Variants in DRC4 observed in about 807,000 individuals in gnomAD.
DRC4 encodes GAS-11.
At chr16:90,041,265 C>T in the DRC4 span, among the ~76,000 whole-genome samples, 1 of 152,236 alleles carries the variant, frequency 6.6e-6, no homozygotes, top group Non-Finnish European at 1.5e-5. Context: ...GTCATTGTTA[C>T]CTCGACTTCT....
At chr16:90,042,956 T>G in the DRC4 span, 2 of 543,636 alleles carry the variant, frequency 3.7e-6, no homozygotes, top group Middle Eastern at 9.6e-4. Context: ...GTCCCTGCCC[T>G]CTGCCTCCGT....
the DRC4 span, chr16:90,036,326 C>T: frequency 6.8e-7 from 1 of 1,478,440 alleles, no homozygotes; most frequent in Non-Finnish European, 9.3e-7. Context: ...TGTTCTGTAG[C>T]CGTAGGGGCA....
the DRC4 span, among the ~76,000 whole-genome samples, chr16:90,034,325 G>A: frequency 6.6e-6 from 1 of 152,106 alleles, no homozygotes; most frequent in Admixed American, 6.6e-5. Context: ...TTCCTGTTGG[G>A]TAAAAATATG....
the DRC4 span, chr16:90,022,574 C>CGGGA: frequency 6.5e-6 from 6 of 923,522 alleles, no homozygotes; most frequent in African/African-American, 8.7e-5. Context: ...GACGCACTCC[C>CGGGA]GCCTTTGGCA....
the DRC4 span, among the ~76,000 whole-genome samples, chr16:90,041,553 C>G: frequency 6.6e-6 from 1 of 152,182 alleles, no homozygotes; most frequent in African/African-American, 2.4e-5. Context: ...CGCCTGTAAT[C>G]CCAGCACTTT....
At chr16:90,037,368 C>T in the DRC4 span, 1 of 1,613,766 alleles carries the variant, frequency 6.2e-7, no homozygotes, top group Non-Finnish European at 8.5e-7. Flanking sequence ...AAACAGCTCG[C>T]AAACTACGAG....
the DRC4 span, among the ~76,000 whole-genome samples, chr16:90,020,624 A>G: frequency 0.01 from 1,575 of 152,376 alleles, 30 homozygotes; most frequent in African/African-American, 0.035. Context: ...ACTCGAATTC[A>G]ATATGAAAAG....
the DRC4 span, among the ~76,000 whole-genome samples, chr16:90,020,571 T>G: frequency 1.3e-5 from 2 of 152,222 alleles, no homozygotes; most frequent in Admixed American, 6.5e-5. Flanking sequence ...GAAAGTATCT[T>G]AAGCCACATA....
the DRC4 span, among the ~76,000 whole-genome samples, chr16:90,041,006 C>T: frequency 6.6e-6 from 1 of 152,116 alleles, no homozygotes; most frequent in African/African-American, 2.4e-5. Flanking sequence ...GGACTGAAAA[C>T]TCATCTTTGT....
chr16:90,027,884 C>A, the DRC4 span: 1 of 626,770 alleles, frequency 1.6e-6, no homozygotes, highest in Non-Finnish European at 2.9e-6. Context: ...GCAAAGCTTT[C>A]GGCTGCACCA....
the DRC4 span, chr16:90,029,185 G>T: frequency 7.4e-7 from 1 of 1,348,250 alleles, no homozygotes; most frequent in Non-Finnish European, 9.9e-7. Flanking sequence ...TACGGGGCAG[G>T]CTATGGGGCA....
chr16:90,037,888 G>T, the DRC4 span: 11 of 1,567,938 alleles, frequency 7.0e-6, no homozygotes, highest in African/African-American at 2.7e-5. Flanking sequence ...GGCGGTGGGT[G>T]TTAGAGCAAC....
chr16:90,028,337 A>G, the DRC4 span, among the ~76,000 whole-genome samples: 2 of 151,678 alleles, frequency 1.3e-5, no homozygotes, highest in African/African-American at 4.8e-5. Flanking sequence ...GGCACCTGCC[A>G]CCACGCCTGG....
At chr16:90,037,919 G>C in the DRC4 span, 3 of 1,396,390 alleles carry the variant, frequency 2.1e-6, no homozygotes, top group Non-Finnish European at 3.0e-6. Flanking sequence ...GTTCACCAAG[G>C]TGAGCGGGCA....
the DRC4 span, among the ~76,000 whole-genome samples, chr16:90,030,215 A>T: frequency 4.6e-5 from 7 of 151,716 alleles, no homozygotes; most frequent in Non-Finnish European, 1.0e-4. Flanking sequence ...TCAAAGGTGA[A>T]TTTTTTTTCA....
At chr16:90,037,187 G>A in the DRC4 span, 1,544 of 1,544,018 alleles carry the variant, frequency 1.0e-3, 11 homozygotes, top group South Asian at 5.3e-3. Flanking sequence ...AGCCCCTTTG[G>A]TTCTGCCTGC....
At chr16:90,027,861 A>G in the DRC4 span, 2 of 725,776 alleles carry the variant, frequency 2.8e-6, no homozygotes, top group South Asian at 3.5e-5. Flanking sequence ...GTGGCCCATA[A>G]TTCCCATCAG....
the DRC4 span, among the ~76,000 whole-genome samples, chr16:90,041,877 C>T: frequency 6.6e-6 from 1 of 152,158 alleles, no homozygotes; most frequent in Non-Finnish European, 1.5e-5. Flanking sequence ...TGACCAGTCT[C>T]CACAGTGTGG....
chr16:90,035,018 C>T, the DRC4 span, among the ~76,000 whole-genome samples: 3 of 151,570 alleles, frequency 2.0e-5, no homozygotes, highest in East Asian at 3.9e-4. Flanking sequence ...ATTCTCCTGC[C>T]TCAGCCTCTC....
Sources: allele counts gnomAD v4.1 joint callset (sites outside exome capture counted in the v4.1 genomes callset), GRCh38; gene constraint gnomAD v4.1.1; transcripts MANE v1.5; gene names NCBI Gene and HGNC (gene_info 2026-07-23, HGNC 2026-07-21).